Variants in UGGT1 observed in about 807,000 individuals in gnomAD.
UGGT1 encodes the protein UDP-glucose glycoprotein glucosyltransferase 1, also known as UDP-glucose:glycoprotein glucosyltransferase 1.
A neutral mutation model predicts 203.9 loss-of-function variants in UGGT1; 107 were observed. The ratio of observed to expected loss-of-function variants is 0.52; its 90% CI spans 0.45 to 0.62. UGGT1 has a LOEUF of 0.62. Among genes scored for constraint, UGGT1 ranks in the 20% least tolerant of loss-of-function variants. UGGT1 has a pLI of 0.00. For missense variants in UGGT1, 1,673 were observed against 1,867.2 expected (o/e 0.90, Z 1.92); for synonymous variants, 628 against 653.5 (o/e 0.96, Z 0.59).
intron 18 of UGGT1, among the ~76,000 whole-genome samples, chr2:128,148,003 TTTG>T (rs925757758): frequency 4.6e-5 from 7 of 152,194 alleles, no homozygotes; most frequent in African/African-American, 1.4e-4. Flanking sequence ...TATGTTGTTC[TTTG>T]TTGTTGTTGT....
At chr2:128,112,421 CAAAA>C (rs1171875836) in intron 5 of UGGT1, among the ~76,000 whole-genome samples, 1 of 52,708 alleles carries the variant, frequency 1.9e-5, no homozygotes, top group Non-Finnish European at 4.2e-5. Flanking sequence ...ACTCCATCTC[CAAAA>C]AAAAAAAAAC....
intron 7 of UGGT1, 83 bp downstream of exon 7, chr2:128,115,303 T>C (rs1688047669): frequency 3.2e-6 from 4 of 1,243,534 alleles, no homozygotes; most frequent in Admixed American, 4.0e-5. Flanking sequence ...AAATAATAGA[T>C]TTAGGTGTAT....
Position 128,182,120 on chromosome 2 carries a change from T to C in UGGT1, c.4084-10T>C. 1.2e-6 allele frequency: 2 copies of C among 1,611,914 alleles called. No homozygotes were observed. Among genetic ancestry groups the C allele is most frequent in the Non-Finnish European group, 1.7e-6 (2 of 1,178,892 alleles). ...TGGTTGCTTAACAAATGACTTTTTA[T>C]ATTCTCCAGATTGTACGAACAGATC... On this transcript the variant is annotated splice_polypyrimidine_tract_variant and intron_variant, in intron 36 of 40. Coordinates refer to ENST00000259253, the MANE Select transcript of UGGT1 (RefSeq NM_020120.4).
At chr2:128,097,858 T>C (rs1687184570) in intron 2 of UGGT1, among the ~76,000 whole-genome samples, 1 of 152,026 alleles carries the variant, frequency 6.6e-6, no homozygotes, top group South Asian at 2.1e-4. Context: ...GAGGGTTATG[T>C]TTATTTATTT....
Position 128,109,722 on chromosome 2 carries a change from C to A in UGGT1, c.497C>A (p.Ala166Asp). The change falls in exon 5 of 41, where the codon GCT (alanine) becomes GAT (aspartate). Residue 166 changes from alanine (A) to aspartate (D), a missense_variant. By Grantham distance (126) the Ala-to-Asp change is moderately radical. Transcript: ENST00000259253. Reference sequence around the variant, plus strand: ...ACTTGTGAATCTGATACCCTTGAGGCTCTTCTACTGACAGCCTCTGAAAGG... The same window carrying A: ...ACTTGTGAATCTGATACCCTTGAGGATCTTCTACTGACAGCCTCTGAAAGG... The part of the protein sequence containing the change: ...KKTCESDTLE[A>D]LLLTASERPK... 1 of 1,613,964 alleles carries A rather than the reference C, an allele frequency of 6.2e-7. No individual in the cohort carries two copies. The highest frequency in any genetic ancestry group is 1.6e-4 in the Middle Eastern group (1 of 6,062).
chr2:128,094,736 CTTTTTTTTTTTTTTT>C (rs70988604), intron 1 of UGGT1, among the ~76,000 whole-genome samples: 6 of 84,634 alleles, frequency 7.1e-5, no homozygotes, highest in Non-Finnish European at 8.3e-5. Flanking sequence ...TAAGAGAATG[CTTTTTTTTTTTTTTT>C]TTTTTTTTTT....
At chr2:128,137,724 A>G (rs1689197146) in intron 15 of UGGT1, among the ~76,000 whole-genome samples, 1 of 152,198 alleles carries the variant, frequency 6.6e-6, no homozygotes, top group Non-Finnish European at 1.5e-5. Context: ...ATTTTTGTGA[A>G]AGATATAAAG....
chr2:128,098,921 G>A (rs745528500), intron 2 of UGGT1, among the ~76,000 whole-genome samples: 10 of 152,152 alleles, frequency 6.6e-5, no homozygotes, highest in Non-Finnish European at 1.2e-4. Context: ...ATACCTGTCT[G>A]TATAGGTAGG....
rs1011771866 is a variant in UGGT1, at chr2:128,154,489, A to G, written c.2138-1000A>G. Among the ~76,000 whole-genome samples, 6 of 152,236 alleles carry G rather than the reference A, an allele frequency of 3.9e-5. No individual in the cohort carries two copies. The East Asian group carries it at 1.2e-3, about 29-fold the overall frequency. On this transcript the variant is annotated intron_variant, in intron 19 of 40. Coordinates refer to ENST00000259253, the MANE Select transcript of UGGT1 (RefSeq NM_020120.4). ...TTGACCTGGTGGTGGTGGCATTGTC[A>G]CTCAGGTTTCTTTGGCTTTGGCTGT... is the stretch of plus-strand genomic sequence containing the variant.
chr2:128,183,484 A>G (rs1236713201), intron 37 of UGGT1, among the ~76,000 whole-genome samples, 191 bp from the exon 38 acceptor site: 1 of 152,266 alleles, frequency 6.6e-6, no homozygotes, highest in Non-Finnish European at 1.5e-5. Flanking sequence ...AGCATAGCAC[A>G]GTATAGATTT....
intron 18 of UGGT1, 26 bp from the exon 19 acceptor site, chr2:128,152,758 C>G (rs1463298004): frequency 1.3e-6 from 2 of 1,585,756 alleles, no homozygotes; most frequent in African/African-American, 1.4e-5. Context: ...ACCCTCCCCC[C>G]TCAACCTCCT....
At chr2:128,147,537 T>C (rs1225219233) in intron 18 of UGGT1, among the ~76,000 whole-genome samples, 2 of 152,152 alleles carry the variant, frequency 1.3e-5, no homozygotes, top group African/African-American at 2.4e-5. Context: ...ATTTTACTTA[T>C]ATAATAGTAA....
intron 30 of UGGT1, 145 bp from the exon 31 acceptor site, chr2:128,174,628 T>C (rs1298586453): frequency 3.1e-5 from 22 of 720,274 alleles, no homozygotes; most frequent in Non-Finnish European, 5.1e-5. Flanking sequence ...TGTGTAGTTT[T>C]GGTTTTTTAA....
intron 2 of UGGT1, chr2:128,103,272 C>T (rs975075801): frequency 8.7e-5 from 24 of 276,978 alleles, no homozygotes; most frequent in East Asian, 2.1e-4. Flanking sequence ...TGCATTTCCT[C>T]GTAGGGGTTT....
chr2:128,194,073 T>C lies in UGGT1; in HGVS notation c.*4331T>C, dbSNP rs1558841648. The stretch of plus-strand genomic sequence containing the variant: ...TGTATTATGTGCAGTTATTTAAATA[T>C]ATGTATTCCATTGTTGCGTGGTTTT... On this transcript the variant is annotated 3_prime_UTR_variant, in exon 41 of 41. Transcript: ENST00000259253. 3 of 152,190 alleles carry C rather than the reference T, an allele frequency of 2.0e-5. No homozygotes were observed. The highest frequency in any genetic ancestry group is 6.5e-5 in the Admixed American group (1 of 15,278). The allele number at this position is 152,190 out of a possible 1,614,324, so 9.4% of individuals were successfully genotyped here.
chr2:128,111,347 C>A (rs1687840263), intron 5 of UGGT1, among the ~76,000 whole-genome samples: 1 of 151,596 alleles, frequency 6.6e-6, no homozygotes, highest in African/African-American at 2.4e-5. Context: ...AGAGTGAGAC[C>A]CTGACTCCAA....
Position 128,171,240 on chromosome 2 carries a change from A to G in UGGT1, c.3060A>G (p.Val1020=), listed in dbSNP as rs749991903. 6.2e-6 allele frequency: 10 copies of G among 1,613,662 alleles called. No homozygotes were observed. Among genetic ancestry groups the G allele is most frequent in the Admixed American group, 3.3e-5 (2 of 59,908 alleles). Reference sequence around the variant, plus strand: ...AGCTGATAAACATGAATCTGAGAGTATTTATGAACTGCCAATCCAAACTTT... The same window carrying G: ...AGCTGATAAACATGAATCTGAGAGTGTTTATGAACTGCCAATCCAAACTTT... ...LAQLINMNLR[V]FMNCQSKLSD... The change falls in exon 28 of 41, where the codon GTA becomes GTG. Residue 1020 remains valine, a synonymous_variant. Transcript: ENST00000259253.
chr2:128,091,674 C>A, intron 1 of UGGT1: 1 of 1,161,138 alleles, frequency 8.6e-7, no homozygotes, highest in Non-Finnish European at 1.1e-6. Context: ...GATCCTTGTG[C>A]CAAGTGCAGA....
intron 13 of UGGT1, among the ~76,000 whole-genome samples, chr2:128,132,193 A>G (rs1419631689): frequency 1.4e-5 from 2 of 145,956 alleles, no homozygotes; most frequent in Non-Finnish European, 3.0e-5. Flanking sequence ...TCCGCTGTTT[A>G]TTTTTCATAT....
Sources: gnomAD v4.1 joint callset for allele counts (sites outside exome capture counted in the v4.1 genomes callset) on GRCh38, gnomAD v4.1.1 for gene constraint, MANE v1.5 for transcripts, NCBI Gene and HGNC (gene_info 2026-07-23, HGNC 2026-07-21) for gene names.